MICAL3: variants seen among roughly 807,000 people sequenced by gnomAD.
MICAL3 encodes [F-actin]-monooxygenase MICAL3.
MICAL3 carries 62 observed loss-of-function variants against 207.4 expected under a neutral mutation model. The ratio of observed to expected loss-of-function variants is 0.30; its 90% CI spans 0.24 to 0.37. The LOEUF (loss-of-function observed/expected upper bound fraction) is 0.37. Ranked by LOEUF, MICAL3 falls within the 10% of genes least tolerant of loss-of-function variation. The pLI is 1.00. For synonymous variants in MICAL3, 1,077 were observed against 1,069.3 expected, an observed-to-expected ratio of 1.01 and a Z score of -0.14; for missense variants, 2,368 against 2,635.6, an observed-to-expected ratio of 0.90 and a Z score of 2.22.
chr22:17,957,731 A>C (rs1187037871), intron 1 of MICAL3, among the ~76,000 whole-genome samples: 1 of 143,224 alleles, frequency 7.0e-6, no homozygotes, highest in East Asian at 1.9e-4. Flanking sequence ...AAAAAAAGAG[A>C]GAGAAAGAAA....
intron 20 of MICAL3, chr22:17,840,940 G>C (rs1032798651): frequency 6.6e-6 from 1 of 152,312 alleles, no homozygotes; most frequent in Non-Finnish European, 1.5e-5. Context: ...TGAGGGCTGA[G>C]GTGGCGGGTG....
At chr22:17,816,045 T>G (rs969241750) in intron 27 of MICAL3, among the ~76,000 whole-genome samples, 1 of 151,518 alleles carries the variant, frequency 6.6e-6, no homozygotes, top group Non-Finnish European at 1.5e-5. Flanking sequence ...ACAGTGGAGG[T>G]GGGGTGACAT....
chr22:17,818,022 G>A lies in MICAL3; in HGVS notation c.4639C>T (p.Pro1547Ser), dbSNP rs1921186034. The A allele has an allele frequency of 6.2e-7, 1 of 1,612,544 alleles. No homozygotes were observed. ...SSLQEKFFTPPSCWPRPEKPR... is the reference protein window; with the variant it reads ...SSLQEKFFTPSSCWPRPEKPR... ...TTCTCGGGGCGCGGCCAGCAGGACG[G>A]GGGCGTGAAGAATTTCTCCTGCAGG... The change falls in exon 26 of 32, where the codon CCG (proline) becomes TCG (serine). Residue 1547 changes from proline (P) to serine (S), a missense_variant. Around this residue, in one of 4 missense-constraint regions of MICAL3, gnomAD observed 1,770 missense variants for 1,863.2 expected, o/e 0.95. Transcript: ENST00000441493.
chr22:18,007,844 A>AC (rs1264533455), intron 1 of MICAL3, among the ~76,000 whole-genome samples: 3 of 138,682 alleles, frequency 2.2e-5, no homozygotes, highest in Admixed American at 1.6e-4. Context: ...AATGGCGTGA[A>AC]CCCGGGGGGT....
At chr22:17,912,639 T>C (rs1207045963) in intron 1 of MICAL3, among the ~76,000 whole-genome samples, 1 of 152,240 alleles carries the variant, frequency 6.6e-6, no homozygotes, top group East Asian at 1.9e-4. Context: ...TCACTATTAG[T>C]ATATAAAAAT....
intron 1 of MICAL3, among the ~76,000 whole-genome samples, chr22:17,923,529 C>T (rs374674352): frequency 1.2e-4 from 19 of 152,386 alleles, no homozygotes; most frequent in South Asian, 1.0e-3. Flanking sequence ...ATGCCAGCAC[C>T]TGATGGCCAA....
chr22:17,980,335 A>G (rs918198880), intron 1 of MICAL3, among the ~76,000 whole-genome samples: 2 of 152,198 alleles, frequency 1.3e-5, no homozygotes, highest in African/African-American at 4.8e-5. Context: ...TGGGCTTCCA[A>G]AAGGAAATTG....
At position 17,993,861 on chromosome 22, in the gene MICAL3, C is replaced by T. The variant is rs892332487; in HGVS notation, c.-75+30420G>A. Among the ~76,000 whole-genome samples the T allele has an allele frequency of 8.5e-5, 13 of 152,144 alleles. No individual in the cohort carries two copies. The South Asian group carries it at 1.9e-3, about 22-fold the overall frequency. ...TGACCCCCCAGGACGGAGGTAACCC[C>T]GTGGAATATGCCCAAGTCAGTTGCC... On this transcript the variant is annotated intron_variant, in intron 1 of 31. Transcript: ENST00000441493.
chr22:17,894,312 A>C (rs1176982147), intron 10 of MICAL3, among the ~76,000 whole-genome samples: 1 of 151,542 alleles, frequency 6.6e-6, no homozygotes, highest in Non-Finnish European at 1.5e-5. Flanking sequence ...GGATCCCTTG[A>C]GACCAGGAAG....
chr22:17,875,385 C>T lies in MICAL3; in HGVS notation c.2242-3362G>A, dbSNP rs186201770. The T allele has an allele frequency of 2.2e-4, 243 of 1,096,508 alleles. 1 individual carries two copies. The South Asian group carries it at 3.1e-3, about 14-fold the overall frequency. 67.9% of individuals were successfully genotyped at this position (1,096,508 alleles called of 1,614,324 possible). On this transcript the variant is annotated intron_variant, in intron 16 of 31. Transcript: ENST00000441493. ...AGCCTCCTGGGGTACATGACACTTG[C>T]GAAAGTGACGTGAGTGGAGGCTGCG...
chr22:17,950,820 G>A (rs1054564201), intron 1 of MICAL3, among the ~76,000 whole-genome samples: 3 of 152,172 alleles, frequency 2.0e-5, no homozygotes, highest in Non-Finnish European at 4.4e-5. Context: ...CTTGCGGAGG[G>A]CAGACCCACC....
intron 27 of MICAL3, chr22:17,815,083 T>C (rs2062090393): frequency 6.6e-6 from 1 of 152,304 alleles, no homozygotes; most frequent in Non-Finnish European, 1.5e-5. Context: ...GTATTCCGTA[T>C]GTGACGTCTA....
chr22:17,824,135 G>A (rs1202178552), intron 22 of MICAL3, among the ~76,000 whole-genome samples: 1 of 152,132 alleles, frequency 6.6e-6, no homozygotes, highest in African/African-American at 2.4e-5. Context: ...GCAGGAAGAG[G>A]GCGGCACGCT....
intron 21 of MICAL3, among the ~76,000 whole-genome samples, chr22:17,830,379 C>T (rs1361841881): frequency 2.0e-5 from 3 of 152,204 alleles, no homozygotes; most frequent in African/African-American, 4.8e-5. Flanking sequence ...TCTTTTCCTA[C>T]AGGTTTGGTC....
At chr22:17,894,796 CAAAAAAAA>C (rs549154429) in intron 10 of MICAL3, among the ~76,000 whole-genome samples, 17 of 78,328 alleles carry the variant, frequency 2.2e-4, no homozygotes, top group Non-Finnish European at 4.6e-4. Context: ...GATTCCATCT[CAAAAAAAA>C]AAAAAAAAAA....
At chr22:17,916,740 C>A (rs1488392178) in intron 1 of MICAL3, among the ~76,000 whole-genome samples, 1 of 152,108 alleles carries the variant, frequency 6.6e-6, no homozygotes, top group Non-Finnish European at 1.5e-5. Flanking sequence ...CCTCATAGCC[C>A]CTCTCTGCGT....
At chr22:17,845,235 C>A (rs1479811854) in intron 19 of MICAL3, among the ~76,000 whole-genome samples, 3 of 152,116 alleles carry the variant, frequency 2.0e-5, no homozygotes, top group Admixed American at 6.5e-5. Context: ...GGGAAACAAA[C>A]AACTAACAGC....
intron 1 of MICAL3, among the ~76,000 whole-genome samples, chr22:17,988,034 C>T (rs923693879): frequency 3.3e-5 from 5 of 152,264 alleles, no homozygotes; most frequent in Middle Eastern, 3.4e-3. Flanking sequence ...CCAGAACACC[C>T]GAAGCCAAGG....
rs769947808 is a variant in MICAL3 at position 17,810,711 on chromosome 22, G to C, written c.5548C>G (p.Arg1850Gly). 6.2e-7 allele frequency: 1 copy of C among 1,613,700 alleles called. No homozygotes were observed. The highest frequency in any genetic ancestry group is 1.7e-5 in the Admixed American group (1 of 60,020). The change falls in exon 28 of 32, where the codon CGA becomes GGA. Residue 1850 changes from arginine (R) to glycine (G), a missense_variant. Coordinates refer to ENST00000441493, the MANE Select transcript of MICAL3 (RefSeq NM_015241.3). ...ATCCTCCATGGTTTTACCTGGGCTC[G>C]ATGCAGCCGCTTAAGCTCCTCCTGC... ...AKQEELKRLH[R>G]AQIIQRQLQQ...
Sources: gnomAD v4.1 joint callset for allele counts (sites outside exome capture counted in the v4.1 genomes callset) on GRCh38, gnomAD v4.1.1 for gene constraint, gnomAD v4.1.1 regional missense constraint, MANE v1.5 for transcripts, NCBI Gene and HGNC (gene_info 2026-07-23, HGNC 2026-07-21) for gene names.